The following ALDH6A1 variants were observed in gnomAD, a reference collection of about 807,000 sequenced individuals.
The protein encoded by ALDH6A1 is methylmalonate-semialdehyde/malonate-semialdehyde dehydrogenase [acylating], mitochondrial.
ALDH6A1 carries 43 observed loss-of-function variants against 62.6 expected under a neutral mutation model. The ratio of observed to expected loss-of-function variants is 0.69; its 90% CI spans 0.54 to 0.89. ALDH6A1 has a LOEUF of 0.89. Among genes scored for constraint, ALDH6A1 ranks in the 40% least tolerant of loss-of-function variants. The pLI is 0.00. For synonymous variants in ALDH6A1, 194 were observed against 234.2 expected, an observed-to-expected ratio of 0.83 and a Z score of 1.57; for missense variants, 551 against 661.3, an observed-to-expected ratio of 0.83 and a Z score of 1.83.
intron 11 of ALDH6A1, among the ~76,000 whole-genome samples, chr14:74,061,709 T>C (rs1197298434): frequency 6.6e-6 from 1 of 152,122 alleles, no homozygotes; most frequent in Non-Finnish European, 1.5e-5. Context: ...AAGTAAAATG[T>C]CTGACATTAT....
At chr14:74,077,259 C>T (rs1275029847) in intron 1 of ALDH6A1, among the ~76,000 whole-genome samples, 1 of 152,136 alleles carries the variant, frequency 6.6e-6, no homozygotes, top group Non-Finnish European at 1.5e-5. Context: ...GCTTCCTACC[C>T]CAAACTAGGT....
At chr14:74,061,498 T>C (rs541794150) in intron 11 of ALDH6A1, among the ~76,000 whole-genome samples, 17 of 151,894 alleles carry the variant, frequency 1.1e-4, no homozygotes, top group African/African-American at 4.1e-4. Flanking sequence ...AAGGGCTAAT[T>C]TCAGATTAGC....
chr14:74,060,529 G>C lies in ALDH6A1; in HGVS notation c.*113C>G. The C allele has an allele frequency of 1.2e-6, 1 of 840,706 alleles. No individual in the cohort carries two copies. The highest frequency in any genetic ancestry group is 2.1e-6 in the Non-Finnish European group (1 of 487,036). The allele number at this position is 840,706 out of a possible 1,614,324, so 52.1% of individuals were successfully genotyped here. On this transcript the variant is annotated 3_prime_UTR_variant, in exon 12 of 12. Coordinates refer to ENST00000553458, the MANE Select transcript of ALDH6A1 (RefSeq NM_005589.4). ...GTTAATAGTCCTGAGGAAGATTTTA[G>C]TTACAATGTATTCCAATCCCATCGA...
rs1271258335 is a variant in ALDH6A1, at chr14:74,066,805, G to A, written c.1124C>T (p.Thr375Ile). 6 of 1,613,846 alleles carry A rather than the reference G, an allele frequency of 3.7e-6. No individual in the cohort carries two copies. Among genetic ancestry groups the A allele is most frequent in the East Asian group, 2.2e-5 (1 of 44,880 alleles). Residue 375 changes from threonine (T) to isoleucine (I), a missense_variant, in exon 9 of 12, where the codon ACA (threonine) becomes ATA (isoleucine). Thr to Ile is a moderately conservative substitution (Grantham distance 89). Coordinates refer to ENST00000553458, the MANE Select transcript of ALDH6A1 (RefSeq NM_005589.4). The part of the protein sequence containing the change: ...ERVCNLIDSG[T>I]KEGASILLDG... ...AAGAAGGATGGAAGCTCCCTCCTTT[G>A]TTCCACTATCAATCAGATTACAGAC... is the stretch of plus-strand genomic sequence containing the variant.
Position 74,066,761 on chromosome 14 carries a change from C to CT in ALDH6A1, c.1167dup (p.Val390SerfsTer5), listed in dbSNP as rs1418371130. The CT allele has an allele frequency of 6.2e-7, 1 of 1,614,080 alleles. No individual in the cohort carries two copies. Among genetic ancestry groups the CT allele is most frequent in the East Asian group, 2.2e-5 (1 of 44,878 alleles). On this transcript the variant is annotated frameshift_variant, in exon 9 of 12. Transcript: ENST00000553458. LOFTEE classifies it high-confidence loss of function. The stretch of plus-strand genomic sequence containing the variant: ...AAGTTGCCATTTTCATAGCCTTTCA[C>CT]TTTAATTTTTCGTCCATCAAGAAGG...
chr14:74,084,426 G>A lies in ALDH6A1; in HGVS notation c.-32C>T. 1 of 1,610,954 alleles carries A rather than the reference G, an allele frequency of 6.2e-7. No homozygotes were observed. The highest frequency in any genetic ancestry group is 1.1e-5 in the South Asian group (1 of 90,690). ...CGGCCGCCCTAGCTCCGCACCCCGC[G>A]CCTCTACTGCCCAGAAGCACTACAG... On this transcript the variant is annotated 5_prime_UTR_variant, in exon 1 of 12. Coordinates refer to ENST00000553458, the MANE Select transcript of ALDH6A1 (RefSeq NM_005589.4).
At chr14:74,083,439 A>T (rs527708701) in intron 1 of ALDH6A1, among the ~76,000 whole-genome samples, 1 of 152,294 alleles carries the variant, frequency 6.6e-6, no homozygotes, top group South Asian at 2.1e-4. Flanking sequence ...TAGCTTTACC[A>T]TTTCTCCTTA....
chr14:74,081,401 G>T (rs1160557774), intron 1 of ALDH6A1: 1 of 152,122 alleles, frequency 6.6e-6, no homozygotes, highest in African/African-American at 2.4e-5. Flanking sequence ...GAGCATTCTA[G>T]GCCACTTAAA....
At position 74,065,281 on chromosome 14, in the gene ALDH6A1, A is replaced by T. The variant is rs1172766971; in HGVS notation, c.1304T>A (p.Ile435Asn). 3 of 1,614,030 alleles carry T rather than the reference A, an allele frequency of 1.9e-6. No homozygotes were observed. In the African/African-American group the frequency reaches 4.0e-5, roughly 22 times the overall value. ...ATATGGGTTGTTATTTACAATCTGGATGGCTTCATCCAATGTTTCTGTCTC... is the reference window on the plus strand; with the variant it reads ...ATATGGGTTGTTATTTACAATCTGGTTGGCTTCATCCAATGTTTCTGTCTC... ...VLETETLDEAIQIVNNNPYGN... is the reference protein window; with the variant it reads ...VLETETLDEANQIVNNNPYGN... Residue 435 changes from isoleucine to asparagine, a missense_variant, in exon 10 of 12, where the codon ATC (isoleucine) becomes AAC (asparagine). By Grantham distance (149) the Ile-to-Asn change is moderately radical (BLOSUM62 -3). Coordinates refer to ENST00000553458, the MANE Select transcript of ALDH6A1 (RefSeq NM_005589.4).
Position 74,058,975 on chromosome 14 carries a change from T to C in ALDH6A1, c.*1667A>G, listed in dbSNP as rs1183066923. The C allele has an allele frequency of 6.5e-6, 1 of 153,874 alleles. No homozygotes were observed. The highest frequency in any genetic ancestry group is 1.4e-5 in the Non-Finnish European group (1 of 70,882). 9.5% of individuals were successfully genotyped at this position (153,874 alleles called of 1,614,324 possible). On this transcript the variant is annotated 3_prime_UTR_variant, in exon 12 of 12. Transcript: ENST00000553458. ...GGCGTATGCCTGAAATCCCAGCTAC[T>C]CAGGAGGCTGAGGCAGGAGAATTGC...
At chr14:74,071,535 G>C (rs1026115937) in intron 5 of ALDH6A1, 38 bp from the exon 6 acceptor site, 3 of 1,612,628 alleles carry the variant, frequency 1.9e-6, no homozygotes, top group African/African-American at 2.7e-5. Flanking sequence ...TCTCCACACT[G>C]TGTACTAGTT....
At chr14:74,084,183 T>G (rs2060698827) in intron 1 of ALDH6A1, among the ~76,000 whole-genome samples, 164 bp downstream of exon 1, 1 of 152,006 alleles carries the variant, frequency 6.6e-6, no homozygotes, top group East Asian at 1.9e-4. Context: ...AGGGAGGTTA[T>G]GAAGTGAGGG....
intron 1 of ALDH6A1, chr14:74,078,051 A>G (rs1325877263): frequency 2.7e-6 from 1 of 373,254 alleles, no homozygotes; most frequent in Non-Finnish European, 5.3e-6. Context: ...CAGCTTGGGG[A>G]ACATAACGAG....
At chr14:74,067,124 G>A (rs1205488964) in intron 8 of ALDH6A1, among the ~76,000 whole-genome samples, 2 of 152,140 alleles carry the variant, frequency 1.3e-5, no homozygotes, top group Non-Finnish European at 2.9e-5. Flanking sequence ...TGAGGCAGGA[G>A]GATCACTTGA....
chr14:74,064,782 T>G (rs3815330), intron 11 of ALDH6A1, 40 bp downstream of exon 11: 340,370 of 1,611,668 alleles, frequency 0.21, 41,128 homozygotes, highest in South Asian at 0.46. Context: ...TTAAGAAAAT[T>G]TCTTAAAGGA....
intron 11 of ALDH6A1, among the ~76,000 whole-genome samples, chr14:74,064,292 T>C (rs7147847): frequency 0.41 from 59,930 of 147,218 alleles, 13,450 homozygotes; most frequent in East Asian, 0.81. Context: ...AGCGAGACTG[T>C]GTCTCAAAAA....
Position 74,059,523 on chromosome 14 carries a change from C to G in ALDH6A1, c.*1119G>C. 1 of 351,458 alleles carries G rather than the reference C, an allele frequency of 2.8e-6. No individual in the cohort carries two copies. Among genetic ancestry groups the G allele is most frequent in the Non-Finnish European group, 5.6e-6 (1 of 179,974 alleles). The allele number at this position is 351,458 out of a possible 1,614,324, so 21.8% of individuals were successfully genotyped here. On this transcript the variant is annotated 3_prime_UTR_variant, in exon 12 of 12. Transcript: ENST00000553458. ...CCAGCCTGACCAACACGGAGAAACC[C>G]CGTCTCTACTAAAAATACAAAATTA...
chr14:74,079,289 C>T (rs1454206791), intron 1 of ALDH6A1, among the ~76,000 whole-genome samples: 1 of 151,648 alleles, frequency 6.6e-6, no homozygotes, highest in African/African-American at 2.4e-5. Flanking sequence ...CCTGCCTGCA[C>T]TCAATGGAGT....
At position 74,060,524 on chromosome 14, in the gene ALDH6A1, T is replaced by C. The variant is rs2060315932; in HGVS notation, c.*118A>G. On this transcript the variant is annotated 3_prime_UTR_variant, in exon 12 of 12. Coordinates refer to ENST00000553458, the MANE Select transcript of ALDH6A1 (RefSeq NM_005589.4). ...CGGGGGTTAATAGTCCTGAGGAAGA[T>C]TTTAGTTACAATGTATTCCAATCCC... is the stretch of plus-strand genomic sequence containing the variant. 2 of 814,728 alleles carry C rather than the reference T, an allele frequency of 2.5e-6. No individual in the cohort carries two copies. Among genetic ancestry groups the C allele is most frequent in the African/African-American group, 3.4e-5 (2 of 59,460 alleles). The allele number at this position is 814,728 out of a possible 1,614,324, so 50.5% of individuals were successfully genotyped here. A position where few individuals can be genotyped will look rare whatever the true frequency, so the allele number is the denominator to read the frequency against.
Sources: gnomAD v4.1 joint callset for allele counts (sites outside exome capture counted in the v4.1 genomes callset) on GRCh38, gnomAD v4.1.1 for gene constraint, MANE v1.5 for transcripts, NCBI Gene and HGNC (gene_info 2026-07-23, HGNC 2026-07-21) for gene names.